HSF1: variants seen among roughly 807,000 people sequenced by gnomAD.
HSF1 encodes heat shock factor protein 1.
In HSF1, 32 loss-of-function variants were observed where a neutral mutation model predicts 51.7. The ratio of observed to expected loss-of-function variants is 0.62; its 90% CI spans 0.47 to 0.83. HSF1 has a LOEUF of 0.83. Ranked by LOEUF, HSF1 falls within the 40% of genes least tolerant of loss-of-function variation. HSF1 has a pLI of 0.00. For synonymous variants in HSF1, 396 were observed against 309.7 expected (o/e 1.28, Z -2.92); for missense variants, 727 against 717.0 (o/e 1.01, Z -0.16).
rs782215789 is a variant in HSF1, at chr8:144,312,651, C to G, written c.1142+407C>G. Reference sequence around the variant, plus strand: ...AGTTTGGCTCGCACTCCACAGATGTCTAGGGTCGCCCGCCTCTTCCCCTGC... The same window carrying G: ...AGTTTGGCTCGCACTCCACAGATGTGTAGGGTCGCCCGCCTCTTCCCCTGC... On this transcript the variant is annotated intron_variant, in intron 9 of 12. Coordinates refer to ENST00000528838, the MANE Select transcript of HSF1 (RefSeq NM_005526.4). The G allele has an allele frequency of 3.9e-5, 60 of 1,535,316 alleles. No individual in the cohort carries two copies. In the African/African-American group the frequency reaches 6.6e-4, roughly 17 times the overall value.
At chr8:144,295,869 A>G (rs1815420193) in intron 1 of HSF1, among the ~76,000 whole-genome samples, 1 of 152,140 alleles carries the variant, frequency 6.6e-6, no homozygotes, top group Non-Finnish European at 1.5e-5. Context: ...GCCCTGAGGC[A>G]TTCCTTTTTA....
intron 1 of HSF1, among the ~76,000 whole-genome samples, chr8:144,296,780 C>G (rs1279694159): frequency 2.0e-5 from 3 of 149,382 alleles, no homozygotes; most frequent in Non-Finnish European, 4.4e-5. Context: ...GCACTCCAGC[C>G]TGGGTGACAG....
chr8:144,312,533 C>T, intron 9 of HSF1: 2 of 1,158,546 alleles, frequency 1.7e-6, no homozygotes, highest in Non-Finnish European at 2.5e-6. Flanking sequence ...GCAGGTCGTG[C>T]TGCCCAGACA....
chr8:144,308,755 CCCGCCAGCCCCCTGGGCCTCCCATG>C, intron 1 of HSF1, 126 bp from the exon 2 acceptor site: 1 of 656,858 alleles, frequency 1.5e-6, no homozygotes, highest in South Asian at 1.7e-5. Context: ...GAACTCGCCT[CCCGCCAGCCCCCTGGGCCTCCCATG>C]GCCCCAGCCC....
intron 1 of HSF1, among the ~76,000 whole-genome samples, chr8:144,305,034 G>T (rs1554843050): frequency 1.0e-4 from 15 of 150,102 alleles, no homozygotes; most frequent in Non-Finnish European, 3.0e-5. Flanking sequence ...TGCAACCTCT[G>T]CCTCCTGGGT....
At chr8:144,300,906 T>C (rs1458477098) in intron 1 of HSF1, among the ~76,000 whole-genome samples, 1 of 152,172 alleles carries the variant, frequency 6.6e-6, no homozygotes, top group Non-Finnish European at 1.5e-5. Context: ...GCATGTATTC[T>C]AAAGTAAAAA....
At chr8:144,294,509 A>G (rs1193252004) in intron 1 of HSF1, among the ~76,000 whole-genome samples, 1 of 152,246 alleles carries the variant, frequency 6.6e-6, no homozygotes, top group Non-Finnish European at 1.5e-5. Flanking sequence ...ATGAGGCAGA[A>G]TCACAGGCAT....
chr8:144,306,434 C>T (rs1283018466), intron 1 of HSF1, among the ~76,000 whole-genome samples: 1 of 152,050 alleles, frequency 6.6e-6, no homozygotes, highest in Non-Finnish European at 1.5e-5. Flanking sequence ...TCAATCACAG[C>T]TCACTGCAGC....
rs186488891 is a variant in HSF1 at position 144,309,055 on chromosome 8, G to C, written c.226+41G>C. 1,867 of 1,440,900 alleles carry C rather than the reference G, an allele frequency of 1.3e-3. 4 individuals are homozygous for C. Among genetic ancestry groups the C allele is most frequent in the Non-Finnish European group, 1.7e-3 (1,784 of 1,022,576 alleles). 89.3% of individuals were successfully genotyped at this position (1,440,900 alleles called of 1,614,324 possible). ...AGGCAGCGCAGGGGTGCGGGAGGCA[G>C]ACCTGCAGATGGCGGGACCCCAGCA... On this transcript the variant is annotated intron_variant, in intron 2 of 12. Coordinates refer to ENST00000528838, the MANE Select transcript of HSF1 (RefSeq NM_005526.4).
rs782314615 is a variant in HSF1 at position 144,314,328 on chromosome 8, T to TA, written c.1589dup (p.Ter530=). The stretch of plus-strand genomic sequence containing the variant: ...CAAAGCCAAGGACCCCACTGTCTCC[T>TA]AGAGGCCCCGGAGGAGCTGGGCCAG... ...PPKAKDPTVS[*] Residue 530 remains the stop codon, a frameshift_variant and stop_retained_variant, in exon 13 of 13, where the codon TAG becomes TAAG. Transcript: ENST00000528838. LOFTEE classifies it high-confidence loss of function. 5 of 1,547,374 alleles carry TA rather than the reference T, an allele frequency of 3.2e-6. No homozygotes were observed. The African/African-American group carries it at 6.9e-5, about 21-fold the overall frequency.
Position 144,301,520 on chromosome 8 carries a change from G to C in HSF1, c.118-7386G>C, listed in dbSNP as rs192930881. On this transcript the variant is annotated intron_variant, in intron 1 of 12. Transcript: ENST00000528838. ...AGGATAAAACCAAAACCATATCAAGGTACATTATATAATCAAAGTGCTGGA... is the reference window on the plus strand; with the variant it reads ...AGGATAAAACCAAAACCATATCAAGCTACATTATATAATCAAAGTGCTGGA... 5.5e-4 allele frequency among the ~76,000 whole-genome samples: 84 copies of C among 152,236 alleles called. 1 individual carries two copies. Among genetic ancestry groups the C allele is most frequent in the Admixed American group, 5.0e-3 (76 of 15,284 alleles).
intron 1 of HSF1, among the ~76,000 whole-genome samples, chr8:144,302,166 CAA>C (rs879968376): frequency 2.4e-5 from 3 of 126,086 alleles, no homozygotes; most frequent in Admixed American, 2.4e-4. Flanking sequence ...ACTCCGTCTC[CAA>C]AAAAAAAAAT....
At chr8:144,292,429 G>T (rs1815156479) in intron 1 of HSF1, 1 of 152,318 alleles carries the variant, frequency 6.6e-6, no homozygotes, top group African/African-American at 2.4e-5. Flanking sequence ...TTCCCAAGAG[G>T]AGTTTTGTTT....
At chr8:144,303,039 C>G (rs1816000478) in intron 1 of HSF1, among the ~76,000 whole-genome samples, 1 of 152,040 alleles carries the variant, frequency 6.6e-6, no homozygotes, top group South Asian at 2.1e-4. Context: ...AATGCTGCAT[C>G]CGCTTTGGAA....
At chr8:144,300,122 G>A (rs1815755534) in intron 1 of HSF1, among the ~76,000 whole-genome samples, 1 of 151,882 alleles carries the variant, frequency 6.6e-6, no homozygotes. Context: ...AGCAGGAGGA[G>A]CAGCTTTCCA....
At chr8:144,299,294 A>G (rs974394708) in intron 1 of HSF1, among the ~76,000 whole-genome samples, 1 of 151,766 alleles carries the variant, frequency 6.6e-6, no homozygotes, top group East Asian at 1.9e-4. Flanking sequence ...AAAATTAGCC[A>G]TGTGTGGTGA....
rs782238356 is a variant in HSF1 at position 144,314,247 on chromosome 8, G to A, written c.1507G>A (p.Gly503Arg). The A allele has an allele frequency of 7.1e-6, 11 of 1,550,424 alleles. No individual in the cohort carries two copies. In the African/African-American group the frequency reaches 9.6e-5, roughly 14 times the overall value. The change falls in exon 13 of 13, where the codon GGG becomes AGG. Residue 503 changes from glycine to arginine, a missense_variant. Physicochemically the swap from Gly to Arg is moderately radical, Grantham distance 125. Transcript: ENST00000528838. Reference sequence around the variant, plus strand: ...GGGAGAGGGCTCCTACTTCTCCGAAGGGGACGGCTTCGCCGAGGACCCCAC... The same window carrying A: ...GGGAGAGGGCTCCTACTTCTCCGAAAGGGACGGCTTCGCCGAGGACCCCAC... ...ELGEGSYFSE[G>R]DGFAEDPTIS...
intron 9 of HSF1, among the ~76,000 whole-genome samples, 196 bp downstream of exon 9, chr8:144,312,440 G>A (rs1425056358): frequency 2.0e-5 from 3 of 152,082 alleles, no homozygotes; most frequent in African/African-American, 7.2e-5. Flanking sequence ...CAGAAGCCAC[G>A]GGCATGTCCG....
intron 1 of HSF1, among the ~76,000 whole-genome samples, chr8:144,303,236 A>T (rs1038844320): frequency 6.6e-6 from 1 of 151,954 alleles, no homozygotes; most frequent in East Asian, 1.9e-4. Flanking sequence ...GTTTTTGAGT[A>T]GTGGTAGTGT....
Sources: allele counts gnomAD v4.1 joint callset (sites outside exome capture counted in the v4.1 genomes callset), GRCh38; gene constraint gnomAD v4.1.1; transcripts MANE v1.5; gene names NCBI Gene and HGNC (gene_info 2026-07-23, HGNC 2026-07-21).